Variants in SLC35F1 observed in about 807,000 individuals in gnomAD.
The protein encoded by SLC35F1 is solute carrier family 35 member F1, also known as chromosome 6 open reading frame 169.
In SLC35F1, 14 loss-of-function variants were observed where a neutral mutation model predicts 48.7. That is an observed-to-expected ratio of 0.29 (90% CI 0.19 to 0.45). SLC35F1 has a LOEUF of 0.45. Ranked by LOEUF, SLC35F1 falls within the 20% of genes least tolerant of loss-of-function variation. SLC35F1 has a pLI of 1.00. For synonymous variants in SLC35F1, 190 were observed against 202.2 expected, an observed-to-expected ratio of 0.94 and a Z score of 0.51; for missense variants, 404 against 500.0, an observed-to-expected ratio of 0.81 and a Z score of 1.83.
intron 7 of SLC35F1, among the ~76,000 whole-genome samples, chr6:118,298,150 C>T (rs965385313): frequency 3.3e-5 from 5 of 152,070 alleles, no homozygotes; most frequent in Non-Finnish European, 7.4e-5. Context: ...GCCTACAGAA[C>T]CACAAGCCAA....
intron 7 of SLC35F1, among the ~76,000 whole-genome samples, chr6:118,304,231 A>G (rs1776286321): frequency 1.3e-5 from 2 of 152,162 alleles, no homozygotes; most frequent in African/African-American, 4.8e-5. Context: ...GTAATTATGC[A>G]TTATTAAAAA....
chr6:118,044,694 G>A (rs72959843), intron 1 of SLC35F1, among the ~76,000 whole-genome samples: 26,517 of 151,794 alleles, frequency 0.17, 2,732 homozygotes, highest in Middle Eastern at 0.27. Flanking sequence ...GAAGGGTTTC[G>A]AAGAGGAAAA....
In SLC35F1 at chr6:118,266,751, T is replaced by C. The variant is rs577262829; in HGVS notation, c.478-244T>C. ...GAGACTCTTCACCACCAGCCTGTCT[T>C]ATCAATTTGCCTTCTCCCCTTTCCC... is the stretch of plus-strand genomic sequence containing the variant. On this transcript the variant is annotated intron_variant, in intron 3 of 7. Transcript: ENST00000360388. Among the ~76,000 whole-genome samples the C allele has an allele frequency of 2.0e-5, 3 of 152,296 alleles. No individual in the cohort carries two copies. In the South Asian group the frequency reaches 6.2e-4, roughly 32 times the overall value.
intron 1 of SLC35F1, among the ~76,000 whole-genome samples, chr6:118,003,024 T>G (rs1434935775): frequency 6.6e-6 from 1 of 152,206 alleles, no homozygotes; most frequent in East Asian, 1.9e-4. Context: ...ATCTAGATTG[T>G]GCTCAGTAAA....
At chr6:117,923,758 C>CACGTGTATATATATACAT (rs1554216764) in intron 1 of SLC35F1, among the ~76,000 whole-genome samples, 1 of 51,832 alleles carries the variant, frequency 1.9e-5, no homozygotes, top group African/African-American at 5.9e-5. Context: ...TACATATATA[C>CACGTGTATATATATACAT]ATATGCACAT....
intron 7 of SLC35F1, among the ~76,000 whole-genome samples, chr6:118,292,337 G>C (rs1342283074): frequency 1.3e-5 from 2 of 152,100 alleles, no homozygotes; most frequent in Non-Finnish European, 1.5e-5. Flanking sequence ...TAAATATAAA[G>C]ACACATTGTT....
chr6:118,122,181 G>T (rs1010657016), intron 1 of SLC35F1, among the ~76,000 whole-genome samples: 20 of 151,400 alleles, frequency 1.3e-4, no homozygotes, highest in African/African-American at 4.9e-4. Flanking sequence ...ATTTTTGTAT[G>T]TCCAATATAA....
chr6:118,065,066 G>T (rs1401337409), intron 1 of SLC35F1, among the ~76,000 whole-genome samples: 1 of 152,110 alleles, frequency 6.6e-6, no homozygotes, highest in Non-Finnish European at 1.5e-5. Context: ...CTAAATTATT[G>T]CATGATCTTC....
At chr6:117,915,502 G>GGAGA (rs1775815386) in intron 1 of SLC35F1, among the ~76,000 whole-genome samples, 1 of 152,114 alleles carries the variant, frequency 6.6e-6, no homozygotes, top group South Asian at 2.1e-4. Flanking sequence ...ATATGTGCAG[G>GGAGA]GAGAGGGAGG....
chr6:118,188,299 C>G (rs1003340584), intron 2 of SLC35F1, among the ~76,000 whole-genome samples: 2 of 152,190 alleles, frequency 1.3e-5, no homozygotes, highest in African/African-American at 4.8e-5. Flanking sequence ...CCTGTAATCC[C>G]AGCACTTTAG....
At chr6:118,134,496 G>C (rs546631360) in intron 1 of SLC35F1, among the ~76,000 whole-genome samples, 1 of 152,324 alleles carries the variant, frequency 6.6e-6, no homozygotes, top group Non-Finnish European at 1.5e-5. Context: ...GTAGCAGGTG[G>C]TTGATGAAGG....
intron 2 of SLC35F1, among the ~76,000 whole-genome samples, chr6:118,184,004 G>A (rs1774621061): frequency 6.6e-6 from 1 of 152,100 alleles, no homozygotes; most frequent in South Asian, 2.1e-4. Flanking sequence ...CCTTACAACA[G>A]CAAAGACTTT....
intron 1 of SLC35F1, among the ~76,000 whole-genome samples, chr6:118,011,824 C>G (rs1182201338): frequency 6.6e-6 from 1 of 152,092 alleles, no homozygotes; most frequent in East Asian, 1.9e-4. Flanking sequence ...CAGAATTATC[C>G]AGCTCAAATT....
At chr6:118,079,936 T>G (rs981954801) in intron 1 of SLC35F1, among the ~76,000 whole-genome samples, 1 of 152,182 alleles carries the variant, frequency 6.6e-6, no homozygotes, top group Non-Finnish European at 1.5e-5. Flanking sequence ...TCTCTTACTT[T>G]CTATGTTAAG....
chr6:117,932,493 C>A (rs1776115328), intron 1 of SLC35F1, among the ~76,000 whole-genome samples: 1 of 152,110 alleles, frequency 6.6e-6, no homozygotes. Context: ...AAAAAGAACA[C>A]CTTTTAAAGC....
At chr6:117,921,302 A>AGG (rs1775895919) in intron 1 of SLC35F1, among the ~76,000 whole-genome samples, 1 of 152,236 alleles carries the variant, frequency 6.6e-6, no homozygotes, top group Non-Finnish European at 1.5e-5. Flanking sequence ...CCCATGAGCT[A>AGG]GCTATATTTG....
chr6:118,146,981 A>G (rs1000172758), intron 1 of SLC35F1, among the ~76,000 whole-genome samples: 2 of 152,178 alleles, frequency 1.3e-5, no homozygotes, highest in Admixed American at 1.3e-4. Context: ...AAAGCTCATT[A>G]TGTTAGCCTG....
chr6:118,283,738 T>A (rs911072854), intron 6 of SLC35F1, among the ~76,000 whole-genome samples: 3 of 152,232 alleles, frequency 2.0e-5, no homozygotes, highest in African/African-American at 7.2e-5. Flanking sequence ...TCTTTTCATG[T>A]ATTAGTCATA....
intron 2 of SLC35F1, among the ~76,000 whole-genome samples, chr6:118,192,618 A>C (rs1256023476): frequency 1.3e-5 from 2 of 152,188 alleles, no homozygotes; most frequent in Non-Finnish European, 2.9e-5. Flanking sequence ...ACTTAACATA[A>C]TAACCATAGT....
Sources: gnomAD v4.1 joint callset for allele counts (sites outside exome capture counted in the v4.1 genomes callset) on GRCh38, gnomAD v4.1.1 for gene constraint, MANE v1.5 for transcripts, NCBI Gene and HGNC (gene_info 2026-07-23, HGNC 2026-07-21) for gene names.